PELI2: variants seen among roughly 807,000 people sequenced by gnomAD.
PELI2 encodes pellino E3 ubiquitin protein ligase family member 2.
PELI2 carries 23 observed loss-of-function variants against 42.3 expected under a neutral mutation model. The observed-to-expected ratio is 0.54, with a 90% CI of 0.39 to 0.77. PELI2 has a LOEUF of 0.77. PELI2 is among the 30% of genes least tolerant of loss of function. The pLI is 0.00. For missense variants in PELI2, 463 were observed against 553.2 expected, an observed-to-expected ratio of 0.84 and a Z score of 1.64; for synonymous variants, 245 against 212.2, an observed-to-expected ratio of 1.15 and a Z score of -1.34.
chr14:56,299,205 A>C lies in PELI2; in HGVS notation c.*2039A>C, dbSNP rs1890101276. ...CCAGAAAGGCCAGATTTTACCTACC[A>C]AGAAAAAAAGATATTTTTCCAGAGA... On this transcript the variant is annotated 3_prime_UTR_variant, in exon 6 of 6. Transcript: ENST00000267460. The C allele has an allele frequency of 6.6e-6, 1 of 152,210 alleles. No individual in the cohort carries two copies. Among genetic ancestry groups the C allele is most frequent in the African/African-American group, 2.4e-5 (1 of 41,460 alleles). The allele number at this position is 152,210 out of a possible 1,614,324, so 9.4% of individuals were successfully genotyped here. A position where few individuals can be genotyped will look rare whatever the true frequency, so the allele number is the denominator to read the frequency against.
intron 2 of PELI2, among the ~76,000 whole-genome samples, chr14:56,192,952 C>T (rs1886004685): frequency 6.6e-6 from 1 of 152,100 alleles, no homozygotes. Context: ...ACAAATTATT[C>T]TTCATTTTAA....
chr14:56,165,628 A>G (rs185987561), intron 1 of PELI2, among the ~76,000 whole-genome samples: 100 of 152,184 alleles, frequency 6.6e-4, no homozygotes, highest in Non-Finnish European at 1.9e-4. Flanking sequence ...ATGAAGTGCA[A>G]TGTTTCTTTG....
At chr14:56,151,687 G>C (rs1446218877) in intron 1 of PELI2, among the ~76,000 whole-genome samples, 1 of 152,176 alleles carries the variant, frequency 6.6e-6, no homozygotes, top group African/African-American at 2.4e-5. Flanking sequence ...GATTAACTGA[G>C]TTATTATATG....
At chr14:56,127,703 G>T (rs1048143300) in intron 1 of PELI2, among the ~76,000 whole-genome samples, 6 of 152,152 alleles carry the variant, frequency 3.9e-5, no homozygotes, top group Non-Finnish European at 7.3e-5. Flanking sequence ...TGAACACTTT[G>T]CCATAGAAAG....
chr14:56,289,092 T>C (rs934659612), intron 4 of PELI2, among the ~76,000 whole-genome samples: 5 of 152,222 alleles, frequency 3.3e-5, no homozygotes, highest in African/African-American at 7.2e-5. Context: ...CCTGCCCTTA[T>C]AGGGTTTCCT....
chr14:56,165,034 T>G (rs1240049519), intron 1 of PELI2, among the ~76,000 whole-genome samples: 1 of 151,362 alleles, frequency 6.6e-6, no homozygotes, highest in East Asian at 1.9e-4. Flanking sequence ...TCCTTTCAAT[T>G]TCTGCTCTGA....
Position 56,297,462 on chromosome 14 carries a change from G to GTTT in PELI2, c.*307_*309dup, listed in dbSNP as rs55742644. 552 of 224,460 alleles carry GTTT rather than the reference G, an allele frequency of 2.5e-3. No homozygotes were observed. Among genetic ancestry groups the GTTT allele is most frequent in the Middle Eastern group, 4.7e-3 (3 of 632 alleles). 13.9% of individuals were successfully genotyped at this position (224,460 alleles called of 1,614,324 possible). ...TTTTTAACCTTGGGTTTTTAACCAA[G>GTTT]TTTTTTTTTTTTTGTAATCTTGGAC... On this transcript the variant is annotated 3_prime_UTR_variant, in exon 6 of 6. Transcript: ENST00000267460.
intron 1 of PELI2, among the ~76,000 whole-genome samples, chr14:56,154,883 A>G (rs1201210902): frequency 6.6e-6 from 1 of 152,240 alleles, no homozygotes; most frequent in Non-Finnish European, 1.5e-5. Context: ...TAACGGTAGT[A>G]TGTTAGAGCA....
At position 56,288,698 on chromosome 14, in the gene PELI2, T is replaced by A; in HGVS notation, c.507+64T>A. ...GCTTGTGATTATGATATGGAACATT[T>A]AATTGGAGCAAAAAAAAATTGGCTT... On this transcript the variant is annotated intron_variant, in intron 4 of 5. Coordinates refer to ENST00000267460, the MANE Select transcript of PELI2 (RefSeq NM_021255.3). The surrounding 1 kb of genome is among the most constrained non-coding windows in gnomAD (Gnocchi z 4.6). 2.4e-6 allele frequency: 3 copies of A among 1,229,482 alleles called. No individual in the cohort carries two copies. The highest frequency in any genetic ancestry group is 3.3e-6 in the Non-Finnish European group (3 of 909,182). The allele number at this position is 1,229,482 out of a possible 1,614,324, so 76.2% of individuals were successfully genotyped here. A position where few individuals can be genotyped will look rare whatever the true frequency, so the allele number is the denominator to read the frequency against.
Position 56,279,719 on chromosome 14 carries a change from C to T in PELI2, c.251C>T (p.Ser84Leu). 1.2e-6 allele frequency: 2 copies of T among 1,604,038 alleles called. No individual in the cohort carries two copies. The highest frequency in any genetic ancestry group is 1.7e-6 in the Non-Finnish European group (2 of 1,171,346). Residue 84 changes from serine (S) to leucine (L), a missense_variant, in exon 3 of 6, where the codon TCA becomes TTA. Physicochemically the swap from Ser to Leu is moderately radical, Grantham distance 145 (BLOSUM62 -2). Transcript: ENST00000267460. ...KGQHSISYTL[S>L]RNQTVVVEYT... Reference sequence around the variant, plus strand: ...CAACACAGTATATCCTACACTTTGTCAAGGAATCAGACTGTGGTGGTGGAG... The same window carrying T: ...CAACACAGTATATCCTACACTTTGTTAAGGAATCAGACTGTGGTGGTGGAG...
chr14:56,218,726 T>TGTGTG (rs879288965), intron 2 of PELI2, among the ~76,000 whole-genome samples: 1 of 150,388 alleles, frequency 6.6e-6, no homozygotes, highest in Non-Finnish European at 1.5e-5. Flanking sequence ...TGTGTGTGTG[T>TGTGTG]TTGAGAGAGA....
chr14:56,283,260 G>A (rs1429804068), intron 3 of PELI2, among the ~76,000 whole-genome samples: 1 of 152,142 alleles, frequency 6.6e-6, no homozygotes, highest in Non-Finnish European at 1.5e-5. Flanking sequence ...ACTAACTTCT[G>A]AGTACTTTAT....
intron 2 of PELI2, among the ~76,000 whole-genome samples, chr14:56,211,963 A>G (rs1886728225): frequency 6.6e-6 from 1 of 152,202 alleles, no homozygotes; most frequent in African/African-American, 2.4e-5. Context: ...TAGAAGACCC[A>G]AAGTCAAATA....
chr14:56,136,631 G>A (rs1595545591), intron 1 of PELI2, among the ~76,000 whole-genome samples: 1 of 152,214 alleles, frequency 6.6e-6, no homozygotes, highest in East Asian at 1.9e-4. Context: ...ATCCTCTGAT[G>A]TAATTTATTA....
intron 2 of PELI2, among the ~76,000 whole-genome samples, chr14:56,238,839 T>C (rs1236240106): frequency 6.6e-6 from 1 of 152,152 alleles, no homozygotes; most frequent in African/African-American, 2.4e-5. Flanking sequence ...AAAGTTATCT[T>C]AAGGTTCACA....
At chr14:56,167,889 C>T (rs1885019403) in intron 1 of PELI2, among the ~76,000 whole-genome samples, 1 of 152,206 alleles carries the variant, frequency 6.6e-6, no homozygotes, top group Non-Finnish European at 1.5e-5. Flanking sequence ...GGGGGCACTT[C>T]AGGCCCAGTA....
intron 2 of PELI2, among the ~76,000 whole-genome samples, chr14:56,253,516 A>G (rs922416650): frequency 5.3e-5 from 8 of 152,216 alleles, no homozygotes; most frequent in African/African-American, 1.9e-4. Flanking sequence ...AGGATACAAA[A>G]TCAATGTGCA....
At chr14:56,191,072 C>A (rs1445821660) in intron 2 of PELI2, among the ~76,000 whole-genome samples, 2 of 152,182 alleles carry the variant, frequency 1.3e-5, no homozygotes, top group Non-Finnish European at 2.9e-5. Context: ...TTTGTGAAAT[C>A]TGTGGTGTTC....
intron 5 of PELI2, among the ~76,000 whole-genome samples, chr14:56,292,018 G>A (rs976114860): frequency 2.6e-5 from 4 of 152,148 alleles, no homozygotes; most frequent in African/African-American, 7.2e-5. Context: ...CGTGGGGAGC[G>A]CCTTTGTCCA....
Sources: gnomAD v4.1 joint callset for allele counts (sites outside exome capture counted in the v4.1 genomes callset) on GRCh38, gnomAD v4.1.1 for gene constraint, Gnocchi (gnomAD v3.1) non-coding constraint, MANE v1.5 for transcripts, NCBI Gene and HGNC (gene_info 2026-07-23, HGNC 2026-07-21) for gene names.